POLR1A: variants seen among roughly 807,000 people sequenced by gnomAD.
POLR1A encodes the protein DNA-directed RNA polymerase I subunit RPA1.
A neutral mutation model predicts 205.3 loss-of-function variants in POLR1A; 84 were observed. The observed-to-expected ratio is 0.41, with a 90% confidence interval of 0.34 to 0.49. The LOEUF (loss-of-function observed/expected upper bound fraction) is 0.49, where lower values mean the gene tolerates loss of function less well. Ranked by LOEUF, POLR1A falls within the 20% of genes least tolerant of loss-of-function variation. The probability of loss-of-function intolerance (pLI) is 0.22; values close to 1 mark genes in which losing one functional copy is unlikely to be tolerated. For synonymous variants in POLR1A, 799 were observed against 863.7 expected, an observed-to-expected ratio of 0.93 and a Z score of 1.31; for missense variants, 1,645 against 2,204.5, an observed-to-expected ratio of 0.75 and a Z score of 5.08.
chr2:86,103,071 C>A (rs1673851413), intron 1 of POLR1A, among the ~76,000 whole-genome samples: 1 of 152,128 alleles, frequency 6.6e-6, no homozygotes, highest in Non-Finnish European at 1.5e-5. Flanking sequence ...TGCTTACAGG[C>A]CTTACATTCT....
chr2:86,101,060 A>G (rs725046), intron 1 of POLR1A, among the ~76,000 whole-genome samples: 2 of 152,030 alleles, frequency 1.3e-5, no homozygotes, highest in African/African-American at 4.8e-5. Flanking sequence ...CAGAAATAGT[A>G]AATTTGACAA....
Position 86,058,550 on chromosome 2 carries a change from A to C in POLR1A, c.2059-4261T>G, listed in dbSNP as rs191440847. On this transcript the variant is annotated intron_variant, in intron 14 of 33. Coordinates refer to ENST00000263857, the MANE Select transcript of POLR1A (RefSeq NM_015425.6). ...TTATATCTTAATGAAAAAAAAAAAA[A>C]CATAAAGGACCCAGACAAGAGGAAC... 1.7e-3 allele frequency among the ~76,000 whole-genome samples: 259 copies of C among 150,176 alleles called. 4 individuals are homozygous for C. Among genetic ancestry groups the C allele is most frequent in the African/African-American group, 6.1e-3 (253 of 41,198 alleles).
At chr2:86,101,013 T>G (rs1274157202) in intron 1 of POLR1A, among the ~76,000 whole-genome samples, 1 of 152,130 alleles carries the variant, frequency 6.6e-6, no homozygotes, top group East Asian at 1.9e-4. Context: ...GCCCACCCAG[T>G]TCAATGAAGG....
intron 9 of POLR1A, 30 bp from the exon 10 acceptor site, chr2:86,078,314 G>C (rs771392141): frequency 1.3e-6 from 2 of 1,542,136 alleles, no homozygotes; most frequent in Non-Finnish European, 1.7e-6. Context: ...AAACAGGGAT[G>C]ATGGAAAAAA....
Position 86,065,548 on chromosome 2 carries a change from C to T in POLR1A, c.1867-83G>A, listed in dbSNP as rs1673071958. Reference sequence around the variant, plus strand: ...AATCCCTAATCGCCTGCCTGGAAGCCACTTTCTATCAAGAGCCCTTCTTAT... The same window carrying T: ...AATCCCTAATCGCCTGCCTGGAAGCTACTTTCTATCAAGAGCCCTTCTTAT... On this transcript the variant is annotated intron_variant, in intron 13 of 33. Coordinates refer to ENST00000263857, the MANE Select transcript of POLR1A (RefSeq NM_015425.6). 5 of 1,165,178 alleles carry T rather than the reference C, an allele frequency of 4.3e-6. No individual in the cohort carries two copies. In the Admixed American group the frequency reaches 8.4e-5, roughly 20 times the overall value. 72.2% of individuals were successfully genotyped at this position (1,165,178 alleles called of 1,614,324 possible).
intron 18 of POLR1A, 142 bp downstream of exon 18, chr2:86,048,742 A>C: frequency 1.4e-6 from 1 of 717,436 alleles, no homozygotes; most frequent in Non-Finnish European, 2.3e-6. Flanking sequence ...AACGAGTTCT[A>C]CCCATCCCAC....
chr2:86,038,617 G>A (rs114068877), intron 27 of POLR1A, 83 bp downstream of exon 27: 26,957 of 1,369,154 alleles, frequency 0.02, 374 homozygotes, highest in South Asian at 0.046. Context: ...ATCTCTAGGA[G>A]CCTTGTGGCT....
chr2:86,100,225 T>G (rs1173524688), intron 1 of POLR1A, 53 bp from the exon 2 acceptor site: 7 of 1,366,912 alleles, frequency 5.1e-6, no homozygotes, highest in Non-Finnish European at 7.3e-6. Context: ...ACCTCTCTGA[T>G]GTTTCCTTTC....
chr2:86,045,552 T>C (rs556943663), intron 20 of POLR1A, 65 bp downstream of exon 20: 5 of 1,552,304 alleles, frequency 3.2e-6, no homozygotes, highest in Middle Eastern at 1.7e-4. Context: ...AGGGCAGTCA[T>C]AGTTCACCTA....
intron 14 of POLR1A, among the ~76,000 whole-genome samples, chr2:86,054,902 C>T (rs1184140412): frequency 1.3e-5 from 2 of 152,224 alleles, no homozygotes; most frequent in South Asian, 2.1e-4. Context: ...TGAAGCAGGG[C>T]AGGGGCAGAC....
chr2:86,076,318 G>A (rs1186193162), intron 11 of POLR1A, among the ~76,000 whole-genome samples: 3 of 152,202 alleles, frequency 2.0e-5, no homozygotes, highest in South Asian at 2.1e-4. Flanking sequence ...CAGCCTCTGC[G>A]TTCCTCAGCC....
intron 18 of POLR1A, 110 bp from the exon 19 acceptor site, chr2:86,047,373 A>T: frequency 1.4e-6 from 1 of 709,366 alleles, no homozygotes; most frequent in Non-Finnish European, 2.4e-6. Context: ...ATTTATTCAG[A>T]CCTAAGTACC....
At chr2:86,074,990 G>T in intron 12 of POLR1A, 40 bp downstream of exon 12, 1 of 1,404,892 alleles carries the variant, frequency 7.1e-7, no homozygotes, top group African/African-American at 1.4e-5. Context: ...AATCCGAACA[G>T]GAGCCGGATG....
chr2:86,042,722 C>T (rs1195790977), intron 23 of POLR1A, among the ~76,000 whole-genome samples: 1 of 152,224 alleles, frequency 6.6e-6, no homozygotes, highest in Non-Finnish European at 1.5e-5. Context: ...GACTGCTCCC[C>T]ATTCCTTCAC....
chr2:86,039,016 T>C, intron 26 of POLR1A, 159 bp from the exon 27 acceptor site: 1 of 689,602 alleles, frequency 1.5e-6, no homozygotes, highest in South Asian at 2.0e-5. Flanking sequence ...GTGGATCTGC[T>C]GGGGGGCCCA....
Position 86,041,910 on chromosome 2 carries a change from T to A in POLR1A, c.3551A>T (p.Lys1184Ile). Residue 1184 changes from lysine to isoleucine, a missense_variant, in exon 24 of 34, where the codon AAA becomes ATA. Physicochemically the swap from Lys to Ile is moderately radical, Grantham distance 102. Coordinates refer to ENST00000263857, the MANE Select transcript of POLR1A (RefSeq NM_015425.6). ...ATACCTGTCGAGAGAAAGCTCTGAT[T>A]TCTCATAACTCTTCTCTGTTTGAGC... ...WAAQTEKSYE[K>I]SELSLDRLRT... is the part of the protein sequence containing the mutation. 2 of 1,613,912 alleles carry A rather than the reference T, an allele frequency of 1.2e-6. No homozygotes were observed. The highest frequency in any genetic ancestry group is 1.7e-6 in the Non-Finnish European group (2 of 1,179,762).
At chr2:86,081,555 T>C in intron 8 of POLR1A, 46 bp downstream of exon 8, 1 of 1,234,900 alleles carries the variant, frequency 8.1e-7, no homozygotes, top group African/African-American at 1.5e-5. Context: ...TTCAGTTCCT[T>C]AGTACGCTTT....
At chr2:86,054,105 AG>A (rs746136576) in intron 15 of POLR1A, 34 bp downstream of exon 15, 1 of 1,608,848 alleles carries the variant, frequency 6.2e-7, no homozygotes, top group Non-Finnish European at 8.5e-7. Flanking sequence ...CCCCGGCACT[AG>A]AAGTCTCCAC....
intron 4 of POLR1A, 81 bp from the exon 5 acceptor site, chr2:86,088,951 T>G (rs1573832869): frequency 9.5e-7 from 1 of 1,050,894 alleles, no homozygotes; most frequent in East Asian, 2.5e-5. Context: ...GGTTTTCACC[T>G]TTTATTTTTA....
Sources: allele counts gnomAD v4.1 joint callset (sites outside exome capture counted in the v4.1 genomes callset), GRCh38; gene constraint gnomAD v4.1.1; transcripts MANE v1.5; gene names NCBI Gene and HGNC (gene_info 2026-07-23, HGNC 2026-07-21).